RABGAP1L: variants seen among roughly 807,000 people sequenced by gnomAD.
RABGAP1L encodes the protein RAB GTPase activating protein 1 like.
In RABGAP1L, 63 loss-of-function variants were observed where a neutral mutation model predicts 137.7. That is an observed-to-expected ratio of 0.46 (90% confidence interval 0.37 to 0.56). The LOEUF is 0.56. Ranked by LOEUF, RABGAP1L falls within the 20% of genes least tolerant of loss-of-function variation. RABGAP1L has a pLI of 0.00. For synonymous variants in RABGAP1L, 431 were observed against 433.7 expected (o/e 0.99, Z 0.08); for missense variants, 1,095 against 1,244.0 (o/e 0.88, Z 1.80).
chr1:174,726,379 G>A (rs570530424), intron 17 of RABGAP1L, among the ~76,000 whole-genome samples: 1 of 152,030 alleles, frequency 6.6e-6, no homozygotes, highest in Non-Finnish European at 1.5e-5. Context: ...GTGACTCACT[G>A]GGATTACAGG....
chr1:174,495,907 A>G (rs1023120574), intron 13 of RABGAP1L, among the ~76,000 whole-genome samples: 2 of 152,090 alleles, frequency 1.3e-5, no homozygotes, highest in African/African-American at 4.8e-5. Flanking sequence ...TTTTTTAGAG[A>G]TGAGATCTTG....
intron 13 of RABGAP1L, among the ~76,000 whole-genome samples, chr1:174,547,191 A>G (rs1024246484): frequency 6.6e-6 from 1 of 152,088 alleles, no homozygotes; most frequent in Non-Finnish European, 1.5e-5. Context: ...GCTAGCTGTG[A>G]TGTTTCTTTG....
intron 11 of RABGAP1L, among the ~76,000 whole-genome samples, chr1:174,349,488 G>A (rs1171101392): frequency 2.3e-5 from 3 of 132,286 alleles, no homozygotes; most frequent in South Asian, 2.6e-4. Context: ...CAGACAGGGC[G>A]GCTGGCCGGG....
At chr1:174,953,305 G>A (rs1295780516) in intron 19 of RABGAP1L, among the ~76,000 whole-genome samples, 1 of 152,176 alleles carries the variant, frequency 6.6e-6, no homozygotes, top group African/African-American at 2.4e-5. Context: ...AGAAAGTTGG[G>A]TGTATTCTTT....
In RABGAP1L at chr1:174,895,026, G is replaced by A. The variant is rs1414820790; in HGVS notation, c.2341-62431G>A. ...CCCACCTCGGCCTCTTAAAGTGCTG[G>A]GATTACAGGCGTGAGCCACCGTGCC... is the stretch of plus-strand genomic sequence containing the variant. On this transcript the variant is annotated intron_variant, in intron 19 of 25. Transcript: ENST00000681986. Among the ~76,000 whole-genome samples, 3 of 152,094 alleles carry A rather than the reference G, an allele frequency of 2.0e-5. No homozygotes were observed. In the East Asian group the frequency reaches 5.8e-4, roughly 29 times the overall value.
chr1:174,924,102 G>A (rs1662274576), intron 19 of RABGAP1L, among the ~76,000 whole-genome samples: 1 of 151,542 alleles, frequency 6.6e-6, no homozygotes, highest in African/African-American at 2.4e-5. Flanking sequence ...AAGATACAAA[G>A]TACTGACTGG....
intron 11 of RABGAP1L, among the ~76,000 whole-genome samples, chr1:174,313,892 T>C (rs1233830638): frequency 6.6e-6 from 1 of 152,188 alleles, no homozygotes; most frequent in Non-Finnish European, 1.5e-5. Flanking sequence ...TAATGTATTG[T>C]TGAATTCTGT....
intron 11 of RABGAP1L, among the ~76,000 whole-genome samples, chr1:174,313,909 G>A (rs1296447684): frequency 1.3e-5 from 2 of 151,996 alleles, no homozygotes; most frequent in Admixed American, 1.3e-4. Flanking sequence ...CTGTTTGCTG[G>A]TATTTTGTTG....
At chr1:174,902,163 G>A (rs1269701786) in intron 19 of RABGAP1L, among the ~76,000 whole-genome samples, 3 of 152,182 alleles carry the variant, frequency 2.0e-5, no homozygotes, top group Non-Finnish European at 4.4e-5. Context: ...CAGGAGGAAC[G>A]GGATGAGGGA....
chr1:174,311,135 T>C (rs61828622), intron 11 of RABGAP1L, among the ~76,000 whole-genome samples: 13,652 of 152,130 alleles, frequency 0.09, 843 homozygotes, highest in East Asian at 0.22. Context: ...GATTGGGTAA[T>C]TTATAAACAA....
chr1:174,901,518 C>G (rs1658137440), intron 19 of RABGAP1L, among the ~76,000 whole-genome samples: 1 of 152,188 alleles, frequency 6.6e-6, no homozygotes, highest in Non-Finnish European at 1.5e-5. Flanking sequence ...ATTCAGTTAT[C>G]TCCACCTGAG....
At chr1:174,328,011 A>ATG (rs1680695972) in intron 11 of RABGAP1L, among the ~76,000 whole-genome samples, 4 of 134,872 alleles carry the variant, frequency 3.0e-5, no homozygotes, top group African/African-American at 1.2e-4. Context: ...ATATATATAT[A>ATG]TATATATATA....
At chr1:174,783,008 C>G (rs1687136490) in intron 18 of RABGAP1L, among the ~76,000 whole-genome samples, 1 of 152,170 alleles carries the variant, frequency 6.6e-6, no homozygotes, top group South Asian at 2.1e-4. Flanking sequence ...TCTATTAAAT[C>G]TTGCAACTGC....
chr1:174,428,720 T>C (rs547776746), intron 13 of RABGAP1L, among the ~76,000 whole-genome samples: 2 of 152,318 alleles, frequency 1.3e-5, no homozygotes, highest in African/African-American at 4.8e-5. Context: ...AGACCCTCTT[T>C]TCACCAGTGT....
intron 19 of RABGAP1L, among the ~76,000 whole-genome samples, chr1:174,929,606 T>TAGTG (rs1332082223): frequency 6.6e-6 from 1 of 151,492 alleles, no homozygotes; most frequent in Admixed American, 6.6e-5. Flanking sequence ...CAGCCAGGTG[T>TAGTG]AGTGGCATGC....
At position 174,830,540 on chromosome 1, in the gene RABGAP1L, G is replaced by A. The variant is rs940380240; in HGVS notation, c.2340+18580G>A. On this transcript the variant is annotated intron_variant, in intron 19 of 25. Transcript: ENST00000681986. ...CTCCCAGGCTGGAGTGCAGTGGCAC[G>A]ATGTCGGCTCACTGCAACCTCTGCC... 5.5e-4 allele frequency among the ~76,000 whole-genome samples: 81 copies of A among 146,634 alleles called. 9 individuals carry two copies. Among genetic ancestry groups the A allele is most frequent in the Admixed American group, 5.2e-3 (76 of 14,704 alleles).
chr1:174,390,800 A>G (rs1182837791), intron 12 of RABGAP1L, among the ~76,000 whole-genome samples: 1 of 152,132 alleles, frequency 6.6e-6, no homozygotes, highest in Non-Finnish European at 1.5e-5. Context: ...TGTGGTAACA[A>G]TTTCTGAGGT....
At position 174,800,116 on chromosome 1, in the gene RABGAP1L, T is replaced by C. The variant is rs937682495; in HGVS notation, c.2212-11716T>C. Reference sequence around the variant, plus strand: ...GCCGTTTTTTATTTAGATCAGTACTTGATTTCATTTTCATTTTCCAGTCTA... The same window carrying C: ...GCCGTTTTTTATTTAGATCAGTACTCGATTTCATTTTCATTTTCCAGTCTA... On this transcript the variant is annotated intron_variant, in intron 18 of 25. Transcript: ENST00000681986. 2.9e-6 allele frequency: 4 copies of C among 1,371,360 alleles called. No homozygotes were observed. In the African/African-American group the frequency reaches 5.9e-5, roughly 20 times the overall value. The allele number at this position is 1,371,360 out of a possible 1,614,324, so 84.9% of individuals were successfully genotyped here.
chr1:174,385,646 G>C (rs1314362952), intron 12 of RABGAP1L, among the ~76,000 whole-genome samples: 1 of 152,214 alleles, frequency 6.6e-6, no homozygotes, highest in East Asian at 1.9e-4. Flanking sequence ...GGAGGATCAG[G>C]CAAAGGAGCC....
Sources: gnomAD v4.1 joint callset for allele counts (sites outside exome capture counted in the v4.1 genomes callset) on GRCh38, gnomAD v4.1.1 for gene constraint, MANE v1.5 for transcripts, NCBI Gene and HGNC (gene_info 2026-07-23, HGNC 2026-07-21) for gene names.